The following DMD variants were observed in gnomAD, a reference collection of about 807,000 sequenced individuals.
DMD encodes the protein mutant dystrophin.
DMD carries 63 observed loss-of-function variants against 330.1 expected under a neutral mutation model. That is an observed-to-expected ratio of 0.19 (90% CI 0.16 to 0.24). DMD has a LOEUF of 0.24. DMD is among the 10% of genes least tolerant of loss of function. The probability of loss-of-function intolerance (pLI) is 1.00; values close to 1 mark genes in which losing one functional copy is unlikely to be tolerated. For missense variants in DMD, 3,344 were observed against 2,684.1 expected (o/e 1.25, Z -5.43); for synonymous variants, 1,223 against 959.8 (o/e 1.27, Z -5.07).
intron 25 of DMD, 35 bp downstream of exon 25, chrX:32,463,404 T>C (rs368170982): frequency 4.3e-6 from 5 of 1,154,129 alleles, no homozygotes; most frequent in Middle Eastern, 2.4e-4. Flanking sequence ...GTTAAGTACG[T>C]TGAGGCAAGC....
intron 16 of DMD, among the ~76,000 whole-genome samples, chrX:32,557,205 C>A (rs2050400833): frequency 9.0e-6 from 1 of 111,474 alleles, no homozygotes; most frequent in Non-Finnish European, 1.9e-5. Context: ...AAATCCAAGT[C>A]TGAATGTTCA....
rs749624670 is a variant in DMD at position 33,111,753 on chromosome X, C to A, written c.32-91553G>T. Among the ~76,000 whole-genome samples the A allele has an allele frequency of 1.0e-4, 11 of 110,516 alleles. No homozygotes were observed. In the East Asian group the frequency reaches 2.0e-3, roughly 20 times the overall value. ...TCCCAAGTAACTGGGATTACAGGTG[C>A]CTGCCACCACGCCCGGCTGATTTTT... On this transcript the variant is annotated intron_variant, in intron 1 of 78. Coordinates refer to ENST00000357033, the MANE Select transcript of DMD (RefSeq NM_004006.3).
At chrX:32,038,457 G>A (rs1444482589) in intron 44 of DMD, among the ~76,000 whole-genome samples, 2 of 111,740 alleles carry the variant, frequency 1.8e-5, no homozygotes, top group Non-Finnish European at 3.8e-5. Flanking sequence ...CAATAGCATG[G>A]GATATCAGAG....
intron 7 of DMD, among the ~76,000 whole-genome samples, chrX:32,785,244 C>T (rs1313083791): frequency 1.8e-5 from 2 of 109,156 alleles, no homozygotes; most frequent in Non-Finnish European, 3.8e-5. Flanking sequence ...ATGTACTCTG[C>T]AGAGTAAAAG....
intron 48 of DMD, among the ~76,000 whole-genome samples, chrX:31,868,673 T>C (rs183570307): frequency 2.2e-4 from 24 of 111,308 alleles, no homozygotes; most frequent in Admixed American, 1.9e-3. Flanking sequence ...TACAACTGAG[T>C]AAGGAAGGTC....
At chrX:31,895,687 G>T (rs2149786255) in intron 47 of DMD, among the ~76,000 whole-genome samples, 1 of 111,665 alleles carries the variant, frequency 9.0e-6, no homozygotes, top group East Asian at 2.8e-4. Flanking sequence ...AAGAAGTCAA[G>T]CCCCAGTAAT....
intron 2 of DMD, among the ~76,000 whole-genome samples, chrX:32,854,573 A>AG (rs1371366306): frequency 1.1e-5 from 1 of 91,622 alleles, no homozygotes; most frequent in African/African-American, 4.6e-5. Context: ...ACTTGTATCA[A>AG]AAAAAAAAAA....
intron 37 of DMD, among the ~76,000 whole-genome samples, chrX:32,348,932 T>C (rs866291790): frequency 4.5e-5 from 5 of 111,448 alleles, no homozygotes; most frequent in Admixed American, 3.8e-4. Flanking sequence ...TAACCTCAGG[T>C]AGAAATGCAG....
chrX:31,623,452 C>T (rs762582439), intron 55 of DMD, among the ~76,000 whole-genome samples: 2 of 110,490 alleles, frequency 1.8e-5, no homozygotes, highest in South Asian at 3.9e-4. Flanking sequence ...TTAGTAGAGA[C>T]GGGGGTTTCA....
intron 60 of DMD, among the ~76,000 whole-genome samples, chrX:31,438,523 A>G (rs970496635): frequency 8.9e-6 from 1 of 111,958 alleles, no homozygotes; most frequent in Non-Finnish European, 1.9e-5. Context: ...GTAGGAAAAC[A>G]TATTTATTTG....
chrX:32,228,801 T>A (rs1482773424), intron 43 of DMD, among the ~76,000 whole-genome samples: 1 of 111,707 alleles, frequency 9.0e-6, no homozygotes, highest in Non-Finnish European at 1.9e-5. Flanking sequence ...GAAATAATGA[T>A]GCCTTTCTCT....
chrX:31,473,807 A>G (rs2067523177), intron 59 of DMD, among the ~76,000 whole-genome samples: 1 of 111,459 alleles, frequency 9.0e-6, no homozygotes, highest in South Asian at 3.7e-4. Context: ...TACAGGTTTA[A>G]AAGTTATTCT....
intron 9 of DMD, among the ~76,000 whole-genome samples, chrX:32,649,559 T>TAAAA (rs1161462889): frequency 1.0e-3 from 54 of 54,236 alleles, no homozygotes; most frequent in African/African-American, 6.4e-3. Context: ...CCGTCTCTTT[T>TAAAA]AAAAAAAAAA....
intron 52 of DMD, among the ~76,000 whole-genome samples, chrX:31,702,611 C>A (rs1210086215): frequency 9.0e-6 from 1 of 111,405 alleles, no homozygotes; most frequent in Non-Finnish European, 1.9e-5. Flanking sequence ...TCCTGATGGT[C>A]TCTCTAGTTC....
At chrX:31,837,995 T>C (rs2149497925) in intron 48 of DMD, among the ~76,000 whole-genome samples, 1 of 112,369 alleles carries the variant, frequency 8.9e-6, no homozygotes, top group South Asian at 3.7e-4. Flanking sequence ...TTTATAACAG[T>C]AGTTTAGCTA....
chrX:31,522,363 C>CTCTCTCTCTCTCTCTCTCTCTATA, intron 55 of DMD, among the ~76,000 whole-genome samples: 4 of 35,978 alleles, frequency 1.1e-4, no homozygotes, highest in Admixed American at 4.2e-4. Context: ...CTCTCTCTCT[C>CTCTCTCTCTCTCTCTCTCTCTATA]TATATATATA....
chrX:32,391,676 A>T (rs2098003677), intron 30 of DMD, among the ~76,000 whole-genome samples: 1 of 112,003 alleles, frequency 8.9e-6, no homozygotes, highest in African/African-American at 3.2e-5. Flanking sequence ...TCGTGAACCT[A>T]GAATCTGGGA....
At chrX:32,289,388 G>T (rs1327791985) in intron 42 of DMD, among the ~76,000 whole-genome samples, 1 of 110,247 alleles carries the variant, frequency 9.1e-6, no homozygotes, top group African/African-American at 3.3e-5. Flanking sequence ...TAGGATTAAG[G>T]GTTCCCTTGT....
chrX:32,916,085 T>C (rs1283895067), intron 2 of DMD, among the ~76,000 whole-genome samples: 4 of 111,582 alleles, frequency 3.6e-5, no homozygotes, highest in Admixed American at 1.9e-4. Context: ...GGTAAAGGTA[T>C]ATTTTGCCTA....
Sources: allele counts gnomAD v4.1 joint callset (sites outside exome capture counted in the v4.1 genomes callset), GRCh38; gene constraint gnomAD v4.1.1; transcripts MANE v1.5; gene names NCBI Gene and HGNC (gene_info 2026-07-23, HGNC 2026-07-21).